The following NEDD4L variants were observed in gnomAD, a reference collection of about 807,000 sequenced individuals.
The protein encoded by NEDD4L is NEDD4 like E3 ubiquitin protein ligase.
A neutral mutation model predicts 148.9 loss-of-function variants in NEDD4L; 54 were observed. The observed-to-expected ratio is 0.36, with a 90% CI of 0.29 to 0.45. NEDD4L has a LOEUF of 0.45. NEDD4L is among the 20% of genes least tolerant of loss of function. NEDD4L has a pLI of 1.00. For missense variants in NEDD4L, 856 were observed against 1,233.8 expected, an observed-to-expected ratio of 0.69 and a Z score of 4.59; for synonymous variants, 433 against 440.7, an observed-to-expected ratio of 0.98 and a Z score of 0.22.
intron 5 of NEDD4L, among the ~76,000 whole-genome samples, chr18:58,315,492 T>G (rs2058163115): frequency 6.6e-6 from 1 of 152,072 alleles, no homozygotes; most frequent in Non-Finnish European, 1.5e-5. Context: ...ATGTACTTAC[T>G]GGATTTAAAA....
chr18:58,385,661 A>T, intron 26 of NEDD4L, 75 bp downstream of exon 26: 1 of 1,229,200 alleles, frequency 8.1e-7, no homozygotes, highest in Non-Finnish European at 1.2e-6. Context: ...CTTCTCCTTT[A>T]GCTAGTGTGG....
At chr18:58,224,132 G>A (rs920694831) in intron 2 of NEDD4L, among the ~76,000 whole-genome samples, 5 of 152,206 alleles carry the variant, frequency 3.3e-5, no homozygotes, top group Admixed American at 1.3e-4. Flanking sequence ...AAAACGCACC[G>A]CTTTCAGTGA....
chr18:58,365,794 G>A (rs538808956), intron 20 of NEDD4L, among the ~76,000 whole-genome samples: 1 of 152,284 alleles, frequency 6.6e-6, no homozygotes, highest in Admixed American at 6.5e-5. Flanking sequence ...CATCGCTAGT[G>A]GATGCCGTGT....
At chr18:58,097,187 C>G (rs1019204205) in intron 1 of NEDD4L, among the ~76,000 whole-genome samples, 2 of 152,162 alleles carry the variant, frequency 1.3e-5, no homozygotes, top group African/African-American at 2.4e-5. Context: ...GCTTTTCATT[C>G]TGATGGGAAG....
intron 2 of NEDD4L, among the ~76,000 whole-genome samples, chr18:58,233,833 A>G (rs1437482617): frequency 2.0e-5 from 3 of 152,186 alleles, no homozygotes; most frequent in Admixed American, 6.5e-5. Context: ...TCTGAGCCCT[A>G]TGGGAATATC....
At chr18:58,294,625 T>C (rs1419084842) in intron 5 of NEDD4L, among the ~76,000 whole-genome samples, 2 of 152,204 alleles carry the variant, frequency 1.3e-5, no homozygotes, top group Non-Finnish European at 2.9e-5. Context: ...TTTTGCCTTT[T>C]ATTTTTTGAG....
intron 1 of NEDD4L, chr18:58,149,505 G>A (rs765873907): frequency 8.3e-5 from 128 of 1,551,122 alleles, no homozygotes; most frequent in Middle Eastern, 3.3e-4. Context: ...TTCCTTTAAT[G>A]CACTAAACCT....
intron 26 of NEDD4L, among the ~76,000 whole-genome samples, chr18:58,386,724 C>A (rs532201995): frequency 1.3e-5 from 2 of 152,168 alleles, no homozygotes; most frequent in Non-Finnish European, 2.9e-5. Flanking sequence ...GCAGAGCTCT[C>A]GTGGGGTGAT....
At chr18:58,070,498 T>A (rs1295288950) in intron 1 of NEDD4L, among the ~76,000 whole-genome samples, 1 of 152,010 alleles carries the variant, frequency 6.6e-6, no homozygotes, top group Non-Finnish European at 1.5e-5. Flanking sequence ...ACAGTTTTTT[T>A]AAAATGGAGA....
intron 1 of NEDD4L, among the ~76,000 whole-genome samples, chr18:58,068,859 A>G (rs896021028): frequency 6.6e-6 from 1 of 152,146 alleles, no homozygotes; most frequent in Non-Finnish European, 1.5e-5. Context: ...GTTCCTGGCC[A>G]GACACAGTGG....
intron 30 of NEDD4L, among the ~76,000 whole-genome samples, chr18:58,392,457 T>G (rs1282302524): frequency 6.6e-6 from 1 of 152,194 alleles, no homozygotes; most frequent in African/African-American, 2.4e-5. Flanking sequence ...GAGAGAATTC[T>G]CATGAACATG....
intron 16 of NEDD4L, among the ~76,000 whole-genome samples, chr18:58,345,271 A>G (rs2042909336): frequency 6.6e-6 from 1 of 152,200 alleles, no homozygotes; most frequent in South Asian, 2.1e-4. Context: ...TTCTAAACAA[A>G]GGCCTAGGCA....
At chr18:58,212,877 A>C (rs1292166976) in intron 2 of NEDD4L, among the ~76,000 whole-genome samples, 1 of 152,238 alleles carries the variant, frequency 6.6e-6, no homozygotes, top group Non-Finnish European at 1.5e-5. Context: ...ATAACAAAAA[A>C]CTTACAAATT....
rs1474472562 is a variant in NEDD4L, at chr18:58,396,590, G to A, written c.*321G>A. The A allele has an allele frequency of 4.8e-6, 1 of 209,574 alleles. No individual in the cohort carries two copies. The highest frequency in any genetic ancestry group is 9.7e-6 in the Non-Finnish European group (1 of 102,790). The allele number at this position is 209,574 out of a possible 1,614,324, so 13.0% of individuals were successfully genotyped here. On this transcript the variant is annotated 3_prime_UTR_variant, in exon 31 of 31. Coordinates refer to ENST00000400345, the MANE Select transcript of NEDD4L (RefSeq NM_001144967.3). ...TACATCCTTTCTAATGACAATGAAT[G>A]GAATTAATCACTCAACAGGTATAGT...
intron 2 of NEDD4L, among the ~76,000 whole-genome samples, chr18:58,209,655 G>C (rs2042403482): frequency 6.7e-6 from 1 of 149,916 alleles, no homozygotes; most frequent in Non-Finnish European, 1.5e-5. Flanking sequence ...ATTTAATGAA[G>C]GTAAAAAGTA....
chr18:58,306,762 A>T (rs1008395298), intron 5 of NEDD4L, among the ~76,000 whole-genome samples: 1 of 152,030 alleles, frequency 6.6e-6, no homozygotes. Flanking sequence ...AGTAGCTGAG[A>T]TTACAGGCAA....
chr18:58,124,193 G>A (rs1453834796), intron 1 of NEDD4L, among the ~76,000 whole-genome samples: 3 of 152,144 alleles, frequency 2.0e-5, no homozygotes, highest in Non-Finnish European at 2.9e-5. Context: ...CCTTCTGAGA[G>A]TGCCAGAGGG....
intron 2 of NEDD4L, among the ~76,000 whole-genome samples, chr18:58,244,338 A>T (rs939671728): frequency 2.0e-5 from 3 of 152,224 alleles, no homozygotes; most frequent in Non-Finnish European, 2.9e-5. Flanking sequence ...GATCTCAAGT[A>T]TGAAGCAAAA....
chr18:58,094,312 A>G (rs1001422914), intron 1 of NEDD4L, among the ~76,000 whole-genome samples: 30 of 151,726 alleles, frequency 2.0e-4, no homozygotes, highest in African/African-American at 6.3e-4. Context: ...AGCCTCCCAG[A>G]TAGCTGGGAC....
Sources: allele counts gnomAD v4.1 joint callset (sites outside exome capture counted in the v4.1 genomes callset), GRCh38; gene constraint gnomAD v4.1.1; transcripts MANE v1.5; gene names NCBI Gene and HGNC (gene_info 2026-07-23, HGNC 2026-07-21).